The following ERG variants were observed in gnomAD, a reference collection of about 807,000 sequenced individuals.
ERG encodes ETS transcription factor ERG.
A neutral mutation model predicts 55.3 loss-of-function variants in ERG; 9 were observed. That is an observed-to-expected ratio of 0.16 (90% CI 0.10 to 0.28). The LOEUF is 0.28. Ranked by LOEUF, ERG falls within the 10% of genes least tolerant of loss-of-function variation. The pLI is 1.00. For missense variants in ERG, 434 were observed against 631.6 expected (o/e 0.69, Z 3.35); for synonymous variants, 223 against 237.3 (o/e 0.94, Z 0.55).
chr21:38,457,435 CAAA>C (rs11323156), intron 1 of ERG, among the ~76,000 whole-genome samples: 39 of 140,072 alleles, frequency 2.8e-4, no homozygotes, highest in South Asian at 6.9e-4. Context: ...GACTCTGTCT[CAAA>C]AAAAAAAAAA....
intron 1 of ERG, among the ~76,000 whole-genome samples, chr21:38,601,520 CAG>C (rs1418166685): frequency 2.6e-5 from 4 of 152,008 alleles, no homozygotes; most frequent in African/African-American, 7.3e-5. Context: ...GCCAGAGAAA[CAG>C]GGGAGATACA....
At chr21:38,498,624 G>T, upstream of ERG, 1 of 669,804 alleles carries the variant, frequency 1.5e-6, no homozygotes, top group Non-Finnish European at 2.1e-6. The surrounding 1 kb of genome is among the most constrained non-coding windows in gnomAD (Gnocchi z 4.6). Flanking sequence ...TTGATGATAT[G>T]CAGCCAGGAG....
chr21:38,381,853 A>G lies in ERG; in HGVS notation c.*1550T>C, dbSNP rs1474221845. On this transcript the variant is annotated 3_prime_UTR_variant, in exon 10 of 10. Coordinates refer to ENST00000288319, the MANE Select transcript of ERG (RefSeq NM_182918.4). ...ATAAAAGACAGGAGGGGAGGCAAGAAGGACCTGGAGAGGCTGACGCCATTT... is the reference window on the plus strand; with the variant it reads ...ATAAAAGACAGGAGGGGAGGCAAGAGGGACCTGGAGAGGCTGACGCCATTT... 8.5e-6 allele frequency: 9 copies of G among 1,063,676 alleles called. No homozygotes were observed. The highest frequency in any genetic ancestry group is 1.0e-5 in the Non-Finnish European group (9 of 878,302). 65.9% of individuals were successfully genotyped at this position (1,063,676 alleles called of 1,614,324 possible).
At position 38,429,474 on chromosome 21, in the gene ERG, T is replaced by C. The variant is rs191035378; in HGVS notation, c.237-5913A>G. On this transcript the variant is annotated intron_variant, in intron 2 of 9. Coordinates refer to ENST00000288319, the MANE Select transcript of ERG (RefSeq NM_182918.4). The stretch of plus-strand genomic sequence containing the variant: ...ACACATGTACATATACACATATGTG[T>C]ATATACATGTATGCACATGTACATA... 6.3e-5 allele frequency among the ~76,000 whole-genome samples: 9 copies of C among 142,192 alleles called. 4 individuals carry two copies. The highest frequency in any genetic ancestry group is 1.1e-4 in the Non-Finnish European group (7 of 65,934). 93.3% of individuals were successfully genotyped at this position (142,192 alleles called of 152,430 possible).
intron 6 of ERG, among the ~76,000 whole-genome samples, chr21:38,399,311 C>G (rs576301228): frequency 6.6e-6 from 1 of 152,310 alleles, no homozygotes; most frequent in South Asian, 2.1e-4. Context: ...AGGGCAGTGT[C>G]AGTATTTGAA....
chr21:38,585,934 A>G (rs898000871), upstream of ERG, among the ~76,000 whole-genome samples: 2 of 151,620 alleles, frequency 1.3e-5, no homozygotes, highest in Admixed American at 1.3e-4. Flanking sequence ...CGTACATAAT[A>G]TCATCCCAAT....
chr21:38,469,294 A>C (rs868218746), intron 1 of ERG, among the ~76,000 whole-genome samples: 150 of 152,152 alleles, frequency 9.9e-4, no homozygotes, highest in African/African-American at 3.5e-3. Flanking sequence ...TGACTAGTCT[A>C]TCTCTCCCCG....
intron 2 of ERG, among the ~76,000 whole-genome samples, chr21:38,537,975 G>T (rs778716005): frequency 2.0e-5 from 3 of 152,174 alleles, no homozygotes; most frequent in Non-Finnish European, 4.4e-5. Flanking sequence ...CTTAGAAAAG[G>T]AGAGAAATTC....
At chr21:38,560,937 A>G (rs2059889172) in intron 2 of ERG, among the ~76,000 whole-genome samples, 1 of 152,224 alleles carries the variant, frequency 6.6e-6, no homozygotes, top group African/African-American at 2.4e-5. Flanking sequence ...TGCAAGAATA[A>G]TAAGTCCTTC....
Position 38,380,869 on chromosome 21 carries a change from T to A in ERG, c.*2534A>T. 9.4e-7 allele frequency: 1 copy of A among 1,065,354 alleles called. No homozygotes were observed. The highest frequency in any genetic ancestry group is 1.6e-5 in the African/African-American group (1 of 61,208). The allele number at this position is 1,065,354 out of a possible 1,614,324, so 66.0% of individuals were successfully genotyped here. On this transcript the variant is annotated 3_prime_UTR_variant, in exon 10 of 10. Transcript: ENST00000288319. ...AGTCTTGAAGAGAGAACTGAGTGAT[T>A]ATCCAAGTAAATGTGTATTTCTATG...
intron 2 of ERG, among the ~76,000 whole-genome samples, chr21:38,539,023 T>A (rs1329350745): frequency 1.3e-5 from 2 of 152,310 alleles, no homozygotes. Flanking sequence ...AGAATCTCAG[T>A]TTTCTCACTC....
intron 1 of ERG, among the ~76,000 whole-genome samples, chr21:38,455,107 TTTCTTTCTTTC>T (rs1601426557): frequency 2.5e-5 from 1 of 40,424 alleles, no homozygotes; most frequent in East Asian, 6.7e-4. Context: ...TCTTTCTTTC[TTTCTTTCTTTC>T]TTTTTTTTTT....
At chr21:38,553,509 G>A (rs934410912) in intron 2 of ERG, among the ~76,000 whole-genome samples, 1 of 152,146 alleles carries the variant, frequency 6.6e-6, no homozygotes, top group African/African-American at 2.4e-5. Context: ...GACTAGATTA[G>A]AGAACCCAGA....
intron 6 of ERG, chr21:38,400,320 CCTT>C: frequency 1.7e-6 from 1 of 596,794 alleles, no homozygotes; most frequent in Non-Finnish European, 3.2e-6. Context: ...ATCCAGGATG[CCTT>C]CTTTGCCCAT....
At chr21:38,456,754 T>C (rs1316080780) in intron 1 of ERG, among the ~76,000 whole-genome samples, 1 of 152,218 alleles carries the variant, frequency 6.6e-6, no homozygotes, top group Non-Finnish European at 1.5e-5. Context: ...TAAGTGATGA[T>C]GTCTGACTCC....
At chr21:38,533,998 C>T (rs2059691115) in intron 2 of ERG, among the ~76,000 whole-genome samples, 1 of 152,160 alleles carries the variant, frequency 6.6e-6, no homozygotes, top group East Asian at 1.9e-4. Context: ...TCTCCCTCCC[C>T]ATACACAGAA....
At chr21:38,549,047 A>G (rs1037190131) in intron 2 of ERG, among the ~76,000 whole-genome samples, 2 of 151,910 alleles carry the variant, frequency 1.3e-5, no homozygotes, top group Admixed American at 6.5e-5. Context: ...CAGGAGGCGG[A>G]GCTTGCAGTG....
At chr21:38,606,663 G>T (rs1051496881) in intron 1 of ERG, among the ~76,000 whole-genome samples, 1 of 152,122 alleles carries the variant, frequency 6.6e-6, no homozygotes, top group Non-Finnish European at 1.5e-5. Context: ...AAAAGCAGCA[G>T]AGTATAAATC....
At chr21:38,541,717 G>A (rs553889569) in intron 2 of ERG, among the ~76,000 whole-genome samples, 12 of 152,216 alleles carry the variant, frequency 7.9e-5, no homozygotes, top group African/African-American at 1.9e-4. Context: ...TGAATTTAAC[G>A]AAACTTCAGC....
Sources: allele counts gnomAD v4.1 joint callset (sites outside exome capture counted in the v4.1 genomes callset), GRCh38; gene constraint gnomAD v4.1.1; non-coding constraint Gnocchi (gnomAD v3.1); transcripts MANE v1.5; gene names NCBI Gene and HGNC (gene_info 2026-07-23, HGNC 2026-07-21).